The following NPC1 variants were observed in gnomAD, a reference collection of about 807,000 sequenced individuals.
NPC1 encodes the protein NPC intracellular cholesterol transporter 1.
NPC1 carries 85 observed loss-of-function variants against 140.4 expected under a neutral mutation model. The ratio of observed to expected loss-of-function variants is 0.61; its 90% CI spans 0.51 to 0.72. The LOEUF (loss-of-function observed/expected upper bound fraction) is 0.72. NPC1 is among the 30% of genes least tolerant of loss of function. NPC1 has a pLI of 0.00. For missense variants in NPC1, 1,504 were observed against 1,623.8 expected (o/e 0.93, Z 1.27); for synonymous variants, 656 against 624.8 (o/e 1.05, Z -0.74).
chr18:23,522,063 G>A (rs540442480), downstream of NPC1, among the ~76,000 whole-genome samples: 4 of 152,280 alleles, frequency 2.6e-5, no homozygotes, highest in South Asian at 8.3e-4. Flanking sequence ...CCGTTCACCC[G>A]GGAGTTCAGA....
chr18:23,516,529 C>A, intron 3 of NPC1: 1 of 1,125,888 alleles, frequency 8.9e-7, no homozygotes, highest in African/African-American at 1.5e-5. Flanking sequence ...CCCTAGAACA[C>A]ATAAGGAGGA....
chr18:23,535,833 A>G (rs1386834197), intron 21 of NPC1, 133 bp from the exon 22 acceptor site: 1 of 719,480 alleles, frequency 1.4e-6, no homozygotes, highest in Non-Finnish European at 2.5e-6. Flanking sequence ...CTGGCTGTCT[A>G]CAAGACTCAC....
chr18:23,517,412 T>C (rs1033513148), downstream of NPC1, among the ~76,000 whole-genome samples: 4 of 152,246 alleles, frequency 2.6e-5, no homozygotes, highest in East Asian at 7.7e-4. Context: ...CCTCCCAAAG[T>C]GTTGGGATTA....
intron 20 of NPC1, 149 bp downstream of exon 20, chr18:23,538,393 C>A (rs924966797): frequency 1.0e-6 from 1 of 977,326 alleles, no homozygotes; most frequent in South Asian, 1.3e-5. Flanking sequence ...AAGGTGTTTT[C>A]GGTTTTCCTG....
chr18:23,535,681 C>A lies in NPC1; in HGVS notation c.3265G>T (p.Glu1089Ter). 6.2e-7 allele frequency: 1 copy of A among 1,613,686 alleles called. No homozygotes were observed. The highest frequency in any genetic ancestry group is 8.5e-7 in the Non-Finnish European group (1 of 1,179,672). The change falls in exon 22 of 25, where the codon GAA becomes TAA. Residue 1089 changes from glutamate to a stop codon, truncating the protein, a stop_gained. Transcript: ENST00000269228. LOFTEE classifies it high-confidence loss of function. Reference sequence around the variant, plus strand: ...TCGTCAATGATGGTCAGGTACTGTTCGTAGAAGACATAAAACACACTGGAG... The same window carrying A: ...TCGTCAATGATGGTCAGGTACTGTTAGTAGAAGACATAAAACACACTGGAG... ...FPYSVFYVFY[E>*]QYLTIIDDTI...
chr18:23,517,245 G>T (rs2058032400), intron 3 of NPC1, among the ~76,000 whole-genome samples: 1 of 151,890 alleles, frequency 6.6e-6, no homozygotes, highest in Admixed American at 6.6e-5. Context: ...CGCCTCCCAG[G>T]TTCAAGCGAT....
At chr18:23,530,634 T>C (rs751595287), downstream of NPC1, 54 of 1,606,558 alleles carry the variant, frequency 3.4e-5, no homozygotes, top group Non-Finnish European at 4.4e-5. Flanking sequence ...ATGAAAAGAC[T>C]TGGGGTAACC....
chr18:23,582,701 G>A (rs1438855459), intron 1 of NPC1, among the ~76,000 whole-genome samples: 2 of 152,036 alleles, frequency 1.3e-5, no homozygotes, highest in Non-Finnish European at 2.9e-5. Flanking sequence ...CTACTCGGGA[G>A]GCTTGATGTG....
At chr18:23,570,107 T>C (rs1205949264) in intron 3 of NPC1, among the ~76,000 whole-genome samples, 1 of 152,236 alleles carries the variant, frequency 6.6e-6, no homozygotes, top group African/African-American at 2.4e-5. Context: ...GCCCCACTGC[T>C]TTACTGCAAC....
At chr18:23,545,392 G>A (rs1230152380) in intron 11 of NPC1, among the ~76,000 whole-genome samples, 4 of 152,162 alleles carry the variant, frequency 2.6e-5, no homozygotes, top group Admixed American at 1.3e-4. Context: ...CCAGGCGTGC[G>A]CCACCAGGCC....
At chr18:23,506,855 T>C in intron 3 of NPC1, 2 of 732,356 alleles carry the variant, frequency 2.7e-6, no homozygotes, top group Non-Finnish European at 2.3e-6. Flanking sequence ...ATAATTTTAA[T>C]TTTAGACTAG....
chr18:23,574,842 T>C (rs2059251995), intron 1 of NPC1, among the ~76,000 whole-genome samples: 1 of 152,214 alleles, frequency 6.6e-6, no homozygotes, highest in Non-Finnish European at 1.5e-5. Flanking sequence ...CCACTATTTT[T>C]ATATAAAGAG....
chr18:23,563,397 G>A (rs1406512566), intron 4 of NPC1, among the ~76,000 whole-genome samples: 1 of 152,150 alleles, frequency 6.6e-6, no homozygotes, highest in African/African-American at 2.4e-5. Flanking sequence ...TGGGTCATAT[G>A]GTAGTTCTAT....
chr18:23,586,215 G>T, intron 1 of NPC1, 72 bp downstream of exon 1: 1 of 1,491,244 alleles, frequency 6.7e-7, no homozygotes, highest in Non-Finnish European at 9.0e-7. Flanking sequence ...CCGTCGCTGG[G>T]CCCGTCGCCT....
chr18:23,559,924 C>T (rs540652281), intron 6 of NPC1, among the ~76,000 whole-genome samples: 5 of 151,984 alleles, frequency 3.3e-5, no homozygotes, highest in Admixed American at 6.5e-5. Flanking sequence ...CACCACTGCA[C>T]TTCAGCCTGG....
intron 4 of NPC1, among the ~76,000 whole-genome samples, chr18:23,563,390 G>T (rs181521954): frequency 6.6e-6 from 1 of 152,172 alleles, no homozygotes; most frequent in Admixed American, 6.5e-5. Context: ...GAACTGATGG[G>T]TCATATGGTA....
At chr18:23,526,644 C>T (rs776096725), downstream of NPC1, 9 of 1,613,906 alleles carry the variant, frequency 5.6e-6, no homozygotes, top group Non-Finnish European at 7.6e-6. Flanking sequence ...CAGGTTACCT[C>T]TGGAACCTCC....
intron 9 of NPC1, among the ~76,000 whole-genome samples, chr18:23,553,156 T>C (rs2058898611): frequency 6.6e-6 from 1 of 152,244 alleles, no homozygotes; most frequent in Non-Finnish European, 1.5e-5. Flanking sequence ...GCTTCCACAC[T>C]GGTGGGAACC....
At chr18:23,578,614 ATCTC>A (rs1054766958) in intron 1 of NPC1, among the ~76,000 whole-genome samples, 2 of 151,922 alleles carry the variant, frequency 1.3e-5, no homozygotes, top group African/African-American at 4.8e-5. Flanking sequence ...TTTTAACCTC[ATCTC>A]TCTCTCAGTC....
Sources: gnomAD v4.1 joint callset for allele counts (sites outside exome capture counted in the v4.1 genomes callset) on GRCh38, gnomAD v4.1.1 for gene constraint, MANE v1.5 for transcripts, NCBI Gene and HGNC (gene_info 2026-07-23, HGNC 2026-07-21) for gene names.